The following TMEM38B variants were observed in gnomAD, a reference collection of about 807,000 sequenced individuals.
TMEM38B encodes the protein trimeric intracellular cation channel type B.
A neutral mutation model predicts 28.7 loss-of-function variants in TMEM38B; 24 were observed. That is an observed-to-expected ratio of 0.84 (90% CI 0.61 to 1.18). The LOEUF is 1.18. TMEM38B is among the 50% of genes most tolerant of loss of function. TMEM38B has a pLI of 0.00. For missense variants in TMEM38B, 380 were observed against 350.9 expected, an observed-to-expected ratio of 1.08 and a Z score of -0.66; for synonymous variants, 131 against 127.7, an observed-to-expected ratio of 1.03 and a Z score of -0.17.
At chr9:105,769,384 C>T (rs796335682) in intron 5 of TMEM38B, among the ~76,000 whole-genome samples, 13 of 152,248 alleles carry the variant, frequency 8.5e-5, no homozygotes, top group African/African-American at 1.7e-4. Context: ...GGCATGATCA[C>T]GGCTCACTGC....
chr9:105,773,049 A>G (rs1979992), intron 5 of TMEM38B, among the ~76,000 whole-genome samples: 35,460 of 152,010 alleles, frequency 0.23, 6,786 homozygotes, highest in African/African-American at 0.51. Context: ...TTTCTAGTTT[A>G]AGTCATTATC....
chr9:105,758,338 C>A, intron 5 of TMEM38B: 1 of 872,808 alleles, frequency 1.1e-6, no homozygotes, highest in South Asian at 1.4e-5. Context: ...TCAGATCTTC[C>A]TGGTATGGCG....
intron 2 of TMEM38B, among the ~76,000 whole-genome samples, chr9:105,708,795 A>G (rs902369787): frequency 6.6e-6 from 1 of 151,796 alleles, no homozygotes; most frequent in East Asian, 1.9e-4. Context: ...CATGACTATC[A>G]CATCATCCTT....
At chr9:105,728,538 G>A (rs1023094958) in intron 4 of TMEM38B, among the ~76,000 whole-genome samples, 18 of 152,072 alleles carry the variant, frequency 1.2e-4, no homozygotes, top group Admixed American at 1.2e-3. Context: ...GAATAGTGCC[G>A]CAGTAAACAT....
chr9:105,773,671 T>C (rs1826632739), intron 5 of TMEM38B, among the ~76,000 whole-genome samples, 194 bp from the exon 6 acceptor site: 1 of 152,192 alleles, frequency 6.6e-6, no homozygotes, highest in Non-Finnish European at 1.5e-5. Flanking sequence ...CCTTGTATTA[T>C]TTTTAATGAG....
intron 1 of TMEM38B, 27 bp downstream of exon 1, chr9:105,694,799 C>A: frequency 2.6e-6 from 4 of 1,564,910 alleles, no homozygotes; most frequent in Non-Finnish European, 3.5e-6. Flanking sequence ...GCGGGCCGGA[C>A]CCCTCAGAGT....
chr9:105,726,409 T>G (rs193229596), intron 4 of TMEM38B, among the ~76,000 whole-genome samples: 9 of 152,156 alleles, frequency 5.9e-5, no homozygotes, highest in Non-Finnish European at 2.9e-5. Context: ...CTTTTTAAAC[T>G]TTTTTTGTTA....
At chr9:105,717,151 C>A (rs1008413277) in intron 2 of TMEM38B, among the ~76,000 whole-genome samples, 2 of 152,196 alleles carry the variant, frequency 1.3e-5, no homozygotes, top group East Asian at 3.8e-4. Context: ...CTTCTCAGAA[C>A]CCTTACCATT....
In TMEM38B at chr9:105,714,915, G is replaced by A. The variant is rs149318563; in HGVS notation, c.270-6622G>A. Among the ~76,000 whole-genome samples the A allele has an allele frequency of 5.6e-3, 848 of 152,264 alleles. 6 individuals are homozygous for A. The highest frequency in any genetic ancestry group is 0.014 in the Middle Eastern group (4 of 294). On this transcript the variant is annotated intron_variant, in intron 2 of 5. Coordinates refer to ENST00000374692, the MANE Select transcript of TMEM38B (RefSeq NM_018112.3). ...TGTCTAGGCCTTTTTAGTGAACAGAGCTAGGAAAAATGAAGATAAAATAAC... is the reference window on the plus strand; with the variant it reads ...TGTCTAGGCCTTTTTAGTGAACAGAACTAGGAAAAATGAAGATAAAATAAC...
chr9:105,744,358 G>A (rs1019592775), intron 4 of TMEM38B, among the ~76,000 whole-genome samples: 1 of 151,904 alleles, frequency 6.6e-6, no homozygotes, highest in Non-Finnish European at 1.5e-5. Context: ...GACAATAAAT[G>A]AGTATTGTCA....
chr9:105,760,014 A>G, intron 5 of TMEM38B: 1 of 1,437,150 alleles, frequency 7.0e-7, no homozygotes, highest in East Asian at 2.3e-5. Context: ...GACTCTGCAA[A>G]AGTTCAATAG....
At chr9:105,729,364 C>T (rs1450647698) in intron 4 of TMEM38B, among the ~76,000 whole-genome samples, 1 of 152,112 alleles carries the variant, frequency 6.6e-6, no homozygotes, top group Non-Finnish European at 1.5e-5. Context: ...TTGTTTTTCT[C>T]AGGTTTGTCA....
intron 5 of TMEM38B, among the ~76,000 whole-genome samples, chr9:105,752,514 C>T (rs879401573): frequency 1.3e-5 from 2 of 152,168 alleles, no homozygotes; most frequent in Non-Finnish European, 1.5e-5. Flanking sequence ...ACTGATGATA[C>T]CTCCAGGTTT....
chr9:105,732,572 T>C (rs1836792845), intron 4 of TMEM38B, among the ~76,000 whole-genome samples: 1 of 152,202 alleles, frequency 6.6e-6, no homozygotes, highest in Non-Finnish European at 1.5e-5. Flanking sequence ...GGGAATCCTT[T>C]CCCCATTTCT....
At chr9:105,699,014 A>G (rs1408449951) in intron 1 of TMEM38B, among the ~76,000 whole-genome samples, 3 of 152,056 alleles carry the variant, frequency 2.0e-5, no homozygotes, top group Non-Finnish European at 4.4e-5. Flanking sequence ...TTGGTAGTTA[A>G]TTCTTAAATG....
intron 5 of TMEM38B, chr9:105,759,186 G>C (rs1837944741): frequency 2.7e-6 from 2 of 742,758 alleles, no homozygotes; most frequent in Admixed American, 3.8e-5. Flanking sequence ...AGATCTCCTT[G>C]AACCTCTCCT....
chr9:105,719,048 A>G (rs1564393364), intron 2 of TMEM38B, among the ~76,000 whole-genome samples: 1 of 152,206 alleles, frequency 6.6e-6, no homozygotes, highest in African/African-American at 2.4e-5. Context: ...ACTGTCTTCG[A>G]TAGAGGAGTG....
chr9:105,757,073 C>G (rs1205391366), intron 5 of TMEM38B, among the ~76,000 whole-genome samples: 2 of 152,122 alleles, frequency 1.3e-5, no homozygotes, highest in Admixed American at 1.3e-4. Flanking sequence ...ACCCTTCCCC[C>G]CAAGTCCTCA....
chr9:105,718,499 A>G (rs1341793218), intron 2 of TMEM38B, among the ~76,000 whole-genome samples: 3 of 152,182 alleles, frequency 2.0e-5, no homozygotes, highest in African/African-American at 4.8e-5. Flanking sequence ...TGGCCTCCCA[A>G]AGTGCTGGGA....
Sources: gnomAD v4.1 joint callset for allele counts (sites outside exome capture counted in the v4.1 genomes callset) on GRCh38, gnomAD v4.1.1 for gene constraint, MANE v1.5 for transcripts, NCBI Gene and HGNC (gene_info 2026-07-23, HGNC 2026-07-21) for gene names.